Variants in ANO3 observed in about 807,000 individuals in gnomAD.
ANO3 encodes the protein anoctamin 3, also known as anoctamin-3.
A neutral mutation model predicts 144.8 loss-of-function variants in ANO3; 99 were observed. That is an observed-to-expected ratio of 0.68 (90% CI 0.58 to 0.81). ANO3 has a LOEUF of 0.81. Among genes scored for constraint, ANO3 ranks in the 30% least tolerant of loss-of-function variants. The probability of loss-of-function intolerance (pLI) is 0.00; values close to 1 mark genes in which losing one functional copy is unlikely to be tolerated. For missense variants in ANO3, 905 were observed against 1,202.2 expected, an observed-to-expected ratio of 0.75 and a Z score of 3.66; for synonymous variants, 414 against 392.6, an observed-to-expected ratio of 1.05 and a Z score of -0.64.
At position 26,661,289 on chromosome 11, in the gene ANO3, AT is replaced by A. The variant is rs1853869326; in HGVS notation, c.*848del. The A allele has an allele frequency of 6.6e-6, 1 of 152,590 alleles. No homozygotes were observed. Among genetic ancestry groups the A allele is most frequent in the African/African-American group, 2.4e-5 (1 of 41,446 alleles). 9.5% of individuals were successfully genotyped at this position (152,590 alleles called of 1,614,324 possible). On this transcript the variant is annotated 3_prime_UTR_variant, in exon 27 of 27. Coordinates refer to ENST00000256737, the MANE Select transcript of ANO3 (RefSeq NM_031418.4). Reference sequence around the variant, plus strand: ...ATTGTGGAAGGCTGTTTTATAGTTTATTTAATTTTTTCTCTATGATTTATTA... The same window carrying A: ...ATTGTGGAAGGCTGTTTTATAGTTTATTAATTTTTTCTCTATGATTTATTA...
chr11:26,407,082 A>G (rs1293194515), intron 1 of ANO3, among the ~76,000 whole-genome samples: 4 of 141,788 alleles, frequency 2.8e-5, no homozygotes, highest in East Asian at 2.1e-4. Flanking sequence ...GTGTGTATAT[A>G]TATATATATA....
intron 1 of ANO3, among the ~76,000 whole-genome samples, chr11:26,418,714 G>GCACA (rs539655845): frequency 4.6e-5 from 7 of 151,102 alleles, no homozygotes; most frequent in Admixed American, 1.3e-4. Flanking sequence ...GCGCGCGCGC[G>GCACA]CACACACACA....
At chr11:26,546,351 A>T (rs1262836494) in intron 11 of ANO3, among the ~76,000 whole-genome samples, 1 of 151,998 alleles carries the variant, frequency 6.6e-6, no homozygotes, top group East Asian at 1.9e-4. Context: ...ACCCAGTAGA[A>T]TATGCAAAAG....
chr11:26,607,048 G>A (rs891506971), intron 17 of ANO3, among the ~76,000 whole-genome samples: 1 of 152,086 alleles, frequency 6.6e-6, no homozygotes, highest in African/African-American at 2.4e-5. Context: ...GACTGGATAT[G>A]AAATTCCATA....
At chr11:26,215,323 A>T (rs150945619) in intron 1 of ANO3, among the ~76,000 whole-genome samples, 1 of 151,960 alleles carries the variant, frequency 6.6e-6, no homozygotes, top group South Asian at 2.1e-4. Flanking sequence ...CACAAAGTAT[A>T]CTTATTTTAT....
At chr11:26,370,283 C>T (rs892460698) in intron 1 of ANO3, among the ~76,000 whole-genome samples, 1 of 152,174 alleles carries the variant, frequency 6.6e-6, no homozygotes, top group Non-Finnish European at 1.5e-5. Flanking sequence ...TCTCATTAAT[C>T]TTTTTCCTGC....
At chr11:26,465,743 TAGG>T (rs1859579862) in intron 4 of ANO3, among the ~76,000 whole-genome samples, 1 of 151,906 alleles carries the variant, frequency 6.6e-6, no homozygotes, top group African/African-American at 2.4e-5. Context: ...ACTAATTTAC[TAGG>T]AGTTGTGTAA....
At chr11:26,436,770 A>T (rs932656073) in intron 1 of ANO3, among the ~76,000 whole-genome samples, 3 of 152,092 alleles carry the variant, frequency 2.0e-5, no homozygotes, top group African/African-American at 7.2e-5. Flanking sequence ...GTGAAAGAAC[A>T]AAGATGGCAG....
chr11:26,548,955 A>AGG (rs1849859994), intron 12 of ANO3, among the ~76,000 whole-genome samples: 1 of 136,338 alleles, frequency 7.3e-6, no homozygotes, highest in African/African-American at 2.6e-5. Context: ...GAATTGGAAA[A>AGG]AAAAAAAAAA....
intron 1 of ANO3, among the ~76,000 whole-genome samples, chr11:26,299,960 G>A (rs1854187227): frequency 6.6e-6 from 1 of 152,060 alleles, no homozygotes; most frequent in African/African-American, 2.4e-5. Context: ...ATAGGGAGGA[G>A]GTGTTGGAAG....
At chr11:26,635,676 G>A (rs1042205299) in intron 20 of ANO3, among the ~76,000 whole-genome samples, 1 of 152,078 alleles carries the variant, frequency 6.6e-6, no homozygotes, top group Admixed American at 6.5e-5. Flanking sequence ...CAATCTAATA[G>A]CCAGTGATTT....
chr11:26,653,911 C>T (rs1336479908), intron 24 of ANO3, among the ~76,000 whole-genome samples: 1 of 152,050 alleles, frequency 6.6e-6, no homozygotes, highest in African/African-American at 2.4e-5. Flanking sequence ...TCTCCAGCAC[C>T]ATTTCTTGAA....
intron 1 of ANO3, among the ~76,000 whole-genome samples, chr11:26,400,270 A>AT (rs1857115261): frequency 1.3e-5 from 2 of 151,966 alleles, no homozygotes; most frequent in African/African-American, 4.8e-5. Flanking sequence ...CATTTTCATA[A>AT]TCAAATCTTA....
chr11:26,234,046 G>A (rs1484069587), intron 1 of ANO3, among the ~76,000 whole-genome samples: 1 of 152,140 alleles, frequency 6.6e-6, no homozygotes, highest in Non-Finnish European at 1.5e-5. Flanking sequence ...AACCACCATT[G>A]CATCTGTATA....
Position 26,344,460 on chromosome 11 carries a change from G to A in ANO3, c.46+12139G>A, listed in dbSNP as rs189818740. Among the ~76,000 whole-genome samples, 730 of 151,092 alleles carry A rather than the reference G, an allele frequency of 4.8e-3. 5 individuals are homozygous for A. Among genetic ancestry groups the A allele is most frequent in the Non-Finnish European group, 7.8e-3 (530 of 67,848 alleles). The stretch of plus-strand genomic sequence containing the variant: ...GGCTCACTGCAACCTCTGCCTCCCG[G>A]GTTCACGTCATTCTCCTGCCTCAGC... On this transcript the variant is annotated intron_variant, in intron 1 of 26. Transcript: ENST00000256737.
intron 4 of ANO3, among the ~76,000 whole-genome samples, chr11:26,475,185 T>G (rs1565046970): frequency 6.6e-6 from 1 of 151,960 alleles, no homozygotes; most frequent in Non-Finnish European, 1.5e-5. Context: ...TTTTCTTTCC[T>G]TCTTAGTTTT....
chr11:26,295,598 A>T (rs989273918), intron 1 of ANO3, among the ~76,000 whole-genome samples: 1 of 152,020 alleles, frequency 6.6e-6, no homozygotes, highest in Non-Finnish European at 1.5e-5. Context: ...TAATACTTAA[A>T]GCTATCAAGT....
intron 3 of ANO3, among the ~76,000 whole-genome samples, chr11:26,448,679 A>G (rs1304528625): frequency 6.6e-6 from 1 of 152,208 alleles, no homozygotes; most frequent in Non-Finnish European, 1.5e-5. Context: ...TAATATTCCT[A>G]AGCTACTTAA....
intron 1 of ANO3, among the ~76,000 whole-genome samples, chr11:26,312,777 C>T (rs1443601486): frequency 1.3e-5 from 2 of 152,086 alleles, no homozygotes; most frequent in Non-Finnish European, 2.9e-5. Context: ...AAATTTTCTC[C>T]CATTCTGTAG....
Sources: allele counts gnomAD v4.1 joint callset (sites outside exome capture counted in the v4.1 genomes callset), GRCh38; gene constraint gnomAD v4.1.1; transcripts MANE v1.5; gene names NCBI Gene and HGNC (gene_info 2026-07-23, HGNC 2026-07-21).